Variants in STIM2 observed in about 807,000 individuals in gnomAD.
STIM2 encodes stromal interaction molecule 2.
STIM2 carries 31 observed loss-of-function variants against 85.8 expected under a neutral mutation model. The ratio of observed to expected loss-of-function variants is 0.36; its 90% CI spans 0.27 to 0.49. STIM2 has a LOEUF of 0.49. Among genes scored for constraint, STIM2 ranks in the 20% least tolerant of loss-of-function variants. The pLI, the probability that STIM2 is intolerant of heterozygous loss-of-function variation, is 0.98. For missense variants in STIM2, 841 were observed against 927.6 expected, an observed-to-expected ratio of 0.91 and a Z score of 1.21; for synonymous variants, 356 against 331.1, an observed-to-expected ratio of 1.08 and a Z score of -0.82.
At chr4:26,985,767 A>C (rs541229108) in intron 3 of STIM2, among the ~76,000 whole-genome samples, 3 of 152,296 alleles carry the variant, frequency 2.0e-5, no homozygotes, top group Middle Eastern at 3.4e-3. Flanking sequence ...TTTCCCAAAG[A>C]AACTTTTATG....
chr4:26,997,272 A>AAT (rs1727991765), intron 4 of STIM2, among the ~76,000 whole-genome samples: 1 of 152,226 alleles, frequency 6.6e-6, no homozygotes, highest in Admixed American at 6.5e-5. Context: ...TTCTATAGAT[A>AAT]GTTGGCCTAC....
chr4:26,905,946 GT>G (rs1344401553), intron 1 of STIM2, among the ~76,000 whole-genome samples: 2 of 151,900 alleles, frequency 1.3e-5, no homozygotes, highest in East Asian at 3.8e-4. Context: ...GGCTGTTTAT[GT>G]GTGTGTGTAT....
intron 8 of STIM2, chr4:27,007,959 T>C: frequency 1.4e-6 from 1 of 722,796 alleles, no homozygotes; most frequent in Non-Finnish European, 2.6e-6. Context: ...CATAAAAGTT[T>C]TATACAGAGC....
intron 2 of STIM2, among the ~76,000 whole-genome samples, chr4:26,933,658 A>G (rs1202131084): frequency 2.0e-5 from 3 of 149,304 alleles, no homozygotes; most frequent in African/African-American, 5.0e-5. Flanking sequence ...CAGCCAACTC[A>G]GGAGGCTAAG....
chr4:27,021,395 T>A (rs1728907511), intron 11 of STIM2: 1 of 444,848 alleles, frequency 2.2e-6, no homozygotes, highest in African/African-American at 2.0e-5. Flanking sequence ...CTGCGTACCC[T>A]GGAGAAGTAA....
intron 1 of STIM2, among the ~76,000 whole-genome samples, chr4:26,875,851 C>T (rs28690636): frequency 0.011 from 1,696 of 152,264 alleles, 33 homozygotes; most frequent in African/African-American, 0.039. Context: ...TTTATATTCG[C>T]TAAAAGAAAG....
chr4:26,966,231 A>G (rs762215589), intron 3 of STIM2, among the ~76,000 whole-genome samples: 13 of 151,856 alleles, frequency 8.6e-5, no homozygotes, highest in Admixed American at 2.6e-4. Flanking sequence ...TGTCCTTTCT[A>G]CCCTTTTCCT....
At chr4:26,984,523 G>C (rs965807604) in intron 3 of STIM2, among the ~76,000 whole-genome samples, 5 of 152,050 alleles carry the variant, frequency 3.3e-5, no homozygotes, top group African/African-American at 1.2e-4. Flanking sequence ...ACCACACCTG[G>C]CTAATTTTGT....
intron 3 of STIM2, among the ~76,000 whole-genome samples, chr4:26,960,626 T>C (rs1229768631): frequency 6.6e-6 from 1 of 152,230 alleles, no homozygotes; most frequent in Admixed American, 6.5e-5. Flanking sequence ...ATTTCTGTTA[T>C]TAGACATTAT....
At chr4:26,932,642 G>C (rs554667485) in intron 2 of STIM2, among the ~76,000 whole-genome samples, 1 of 152,274 alleles carries the variant, frequency 6.6e-6, no homozygotes, top group African/African-American at 2.4e-5. Flanking sequence ...TTTAACGAAT[G>C]AATATTGGAA....
intron 1 of STIM2, among the ~76,000 whole-genome samples, chr4:26,866,957 G>C (rs937984410): frequency 6.6e-5 from 10 of 152,140 alleles, no homozygotes; most frequent in Non-Finnish European, 1.5e-4. Context: ...TAGGAGGTGA[G>C]AGGCATTGTG....
chr4:26,968,869 A>G (rs922332084), intron 3 of STIM2, among the ~76,000 whole-genome samples: 8 of 152,272 alleles, frequency 5.3e-5, no homozygotes, highest in African/African-American at 1.7e-4. Context: ...TGCTTAAAAG[A>G]CAAAAGGGAA....
intron 7 of STIM2, 91 bp from the exon 8 acceptor site, chr4:27,007,440 CTT>C (rs74272718): frequency 9.0e-3 from 6,168 of 687,246 alleles, no homozygotes; most frequent in South Asian, 0.014. Flanking sequence ...ATTAAAATAG[CTT>C]TTTTTTTTTT....
At chr4:26,947,640 G>A (rs1410949257) in intron 2 of STIM2, among the ~76,000 whole-genome samples, 1 of 152,074 alleles carries the variant, frequency 6.6e-6, no homozygotes, top group African/African-American at 2.4e-5. Flanking sequence ...GGGCCAACAC[G>A]TGAGACCCCA....
chr4:26,933,833 G>A (rs6831605), intron 2 of STIM2, among the ~76,000 whole-genome samples: 93,919 of 151,654 alleles, frequency 0.62, 30,324 homozygotes, highest in African/African-American at 0.82. Context: ...TAGTGTGTAT[G>A]GATACATATA....
At chr4:26,873,175 GGATCACCTGAGGTCAGGAGTT>G in intron 1 of STIM2, among the ~76,000 whole-genome samples, 1 of 152,104 alleles carries the variant, frequency 6.6e-6, no homozygotes, top group Non-Finnish European at 1.5e-5. Flanking sequence ...CGAGGCGGGC[GGATCACCTGAGGTCAGGAGTT>G]GAAGCCCAGC....
intron 1 of STIM2, among the ~76,000 whole-genome samples, chr4:26,877,612 G>GT (rs1722859796): frequency 6.6e-6 from 1 of 151,876 alleles, no homozygotes; most frequent in East Asian, 1.9e-4. Context: ...CACACTGTTG[G>GT]TATGGTAGGT....
At chr4:26,897,234 A>G (rs1006913623) in intron 1 of STIM2, among the ~76,000 whole-genome samples, 2 of 152,240 alleles carry the variant, frequency 1.3e-5, no homozygotes, top group African/African-American at 4.8e-5. Flanking sequence ...GTATCATTTT[A>G]CATTCCCAAC....
chr4:26,873,892 G>A lies in STIM2; in HGVS notation c.151+12523G>A, dbSNP rs911150485. 21 of 1,357,348 alleles carry A rather than the reference G, an allele frequency of 1.5e-5. No homozygotes were observed. The Admixed American group carries it at 2.5e-4, about 16-fold the overall frequency. The allele number at this position is 1,357,348 out of a possible 1,614,324, so 84.1% of individuals were successfully genotyped here. A position where few individuals can be genotyped will look rare whatever the true frequency, so the allele number is the denominator to read the frequency against. ...AGAGGCAGTGATGCTCCTTCTCCCAGGGGTCTGCGGCTGAGTGGACAGGGG... is the reference window on the plus strand; with the variant it reads ...AGAGGCAGTGATGCTCCTTCTCCCAAGGGTCTGCGGCTGAGTGGACAGGGG... On this transcript the variant is annotated intron_variant, in intron 1 of 11. Coordinates refer to ENST00000467087, the MANE Select transcript of STIM2 (RefSeq NM_020860.4).
Sources: allele counts gnomAD v4.1 joint callset (sites outside exome capture counted in the v4.1 genomes callset), GRCh38; gene constraint gnomAD v4.1.1; transcripts MANE v1.5; gene names NCBI Gene and HGNC (gene_info 2026-07-23, HGNC 2026-07-21).